MAGI2: variants seen among roughly 807,000 people sequenced by gnomAD.
MAGI2 encodes membrane associated guanylate kinase, WW and PDZ domain containing 2.
Under a neutral mutation model 133.3 loss-of-function variants are expected in MAGI2, and 35 were observed. That is an observed-to-expected ratio of 0.26 (90% CI 0.20 to 0.35). The LOEUF is 0.35. Among genes scored for constraint, MAGI2 ranks in the 10% least tolerant of loss-of-function variants. The probability of loss-of-function intolerance (pLI) is 1.00; values close to 1 mark genes in which losing one functional copy is unlikely to be tolerated. For synonymous variants in MAGI2, 729 were observed against 710.6 expected (o/e 1.03, Z -0.41); for missense variants, 1,636 against 1,863.4 (o/e 0.88, Z 2.25).
chr7:78,402,481 A>G (rs1039593305), intron 6 of MAGI2, among the ~76,000 whole-genome samples: 1 of 152,142 alleles, frequency 6.6e-6, no homozygotes, highest in Non-Finnish European at 1.5e-5. Context: ...ACACCCATAC[A>G]TGTGTCAGTC....
chr7:78,360,935 C>A (rs1014337553), intron 7 of MAGI2, among the ~76,000 whole-genome samples: 1 of 152,172 alleles, frequency 6.6e-6, no homozygotes, highest in African/African-American at 2.4e-5. Flanking sequence ...AGCATTCCTG[C>A]CCTCTCTTCC....
chr7:78,592,291 G>A (rs1407711211), intron 3 of MAGI2, among the ~76,000 whole-genome samples: 1 of 151,858 alleles, frequency 6.6e-6, no homozygotes. Flanking sequence ...AGGACCAGGA[G>A]TCAGCAAACA....
chr7:78,061,409 T>TACACACACACAC (rs59531463), intron 21 of MAGI2, among the ~76,000 whole-genome samples: 16 of 139,706 alleles, frequency 1.1e-4, no homozygotes, highest in African/African-American at 3.0e-4. Flanking sequence ...GGACTGGTTG[T>TACACACACACAC]ACACACACAC....
intron 2 of MAGI2, among the ~76,000 whole-genome samples, chr7:78,657,909 G>A (rs1423724307): frequency 1.3e-5 from 2 of 151,928 alleles, no homozygotes. Context: ...AAGGTGGAGG[G>A]TATATAAGAA....
chr7:78,486,976 T>C (rs7802290), intron 6 of MAGI2: 80,897 of 521,076 alleles, frequency 0.16, 8,264 homozygotes, highest in South Asian at 0.3. Context: ...GCAGTGGAAA[T>C]CCCTGATCTG....
chr7:78,072,855 C>A, intron 21 of MAGI2: 1 of 398,398 alleles, frequency 2.5e-6, no homozygotes, highest in South Asian at 1.3e-4. Context: ...GAGACAAGGT[C>A]TCCCTATGTT....
chr7:78,556,652 C>A (rs748460945), intron 3 of MAGI2, among the ~76,000 whole-genome samples: 1 of 152,134 alleles, frequency 6.6e-6, no homozygotes, highest in Non-Finnish European at 1.5e-5. Context: ...GAACAAGCAA[C>A]CGTTTTGCTC....
intron 2 of MAGI2, among the ~76,000 whole-genome samples, chr7:78,664,467 C>T (rs1272397250): frequency 1.3e-5 from 2 of 151,762 alleles, no homozygotes; most frequent in Non-Finnish European, 2.9e-5. Context: ...GATTATGTAT[C>T]TTTTTTTAGA....
intron 1 of MAGI2, among the ~76,000 whole-genome samples, chr7:79,326,263 G>T (rs1458674941): frequency 6.6e-6 from 1 of 151,850 alleles, no homozygotes; most frequent in Non-Finnish European, 1.5e-5. Flanking sequence ...AAAATATGAC[G>T]CTTGCATGGT....
chr7:78,976,599 C>G (rs1320676450), intron 2 of MAGI2, among the ~76,000 whole-genome samples: 1 of 150,262 alleles, frequency 6.7e-6, no homozygotes, highest in Non-Finnish European at 1.5e-5. Context: ...GAAGTTCTAT[C>G]TAGTGAAAAG....
At chr7:79,356,505 A>G (rs1241215071) in intron 1 of MAGI2, among the ~76,000 whole-genome samples, 1 of 152,190 alleles carries the variant, frequency 6.6e-6, no homozygotes, top group Non-Finnish European at 1.5e-5. Context: ...TTTCCTATTT[A>G]CAGCATTAAT....
At chr7:79,258,111 C>G (rs1301705092) in intron 1 of MAGI2, among the ~76,000 whole-genome samples, 2 of 152,116 alleles carry the variant, frequency 1.3e-5, no homozygotes, top group Non-Finnish European at 1.5e-5. Context: ...AAGCCAGTCA[C>G]AGTAGTACAT....
At chr7:79,341,413 G>T (rs1840894768) in intron 1 of MAGI2, among the ~76,000 whole-genome samples, 1 of 151,358 alleles carries the variant, frequency 6.6e-6, no homozygotes, top group Admixed American at 6.6e-5. Flanking sequence ...AAAAAAAACA[G>T]CACCCTTAAG....
intron 2 of MAGI2, among the ~76,000 whole-genome samples, chr7:78,854,515 A>G (rs996731745): frequency 2.0e-5 from 3 of 152,186 alleles, no homozygotes; most frequent in African/African-American, 7.2e-5. Context: ...TAACTGCTTT[A>G]TATTTCCTAA....
At chr7:78,229,538 A>G (rs1789742073) in intron 10 of MAGI2, among the ~76,000 whole-genome samples, 1 of 152,208 alleles carries the variant, frequency 6.6e-6, no homozygotes, top group African/African-American at 2.4e-5. Context: ...CACGTCAAAA[A>G]GGCCAGCACT....
At chr7:79,085,975 T>A (rs529250086) in intron 1 of MAGI2, among the ~76,000 whole-genome samples, 2 of 152,064 alleles carry the variant, frequency 1.3e-5, no homozygotes, top group South Asian at 2.1e-4. Flanking sequence ...TTTTCTCACA[T>A]CTTTTCTGGG....
intron 1 of MAGI2, among the ~76,000 whole-genome samples, chr7:79,074,280 A>G (rs1359818954): frequency 6.6e-6 from 1 of 152,218 alleles, no homozygotes; most frequent in African/African-American, 2.4e-5. Flanking sequence ...CCATCTTTAA[A>G]TACATGCTGC....
At chr7:79,118,303 G>C (rs962857224) in intron 1 of MAGI2, among the ~76,000 whole-genome samples, 1 of 152,130 alleles carries the variant, frequency 6.6e-6, no homozygotes, top group Non-Finnish European at 1.5e-5. Flanking sequence ...CTTGTAAATG[G>C]AGCACTCGAC....
intron 1 of MAGI2, chr7:79,413,808 T>G (rs1846303807): frequency 6.6e-6 from 1 of 152,184 alleles, no homozygotes; most frequent in Non-Finnish European, 1.5e-5. Flanking sequence ...TTCTCCATGT[T>G]GAAACACTTA....
Sources: allele counts gnomAD v4.1 joint callset (sites outside exome capture counted in the v4.1 genomes callset), GRCh38; gene constraint gnomAD v4.1.1; transcripts MANE v1.5; gene names NCBI Gene and HGNC (gene_info 2026-07-23, HGNC 2026-07-21).